CDC42BPB: variants seen among roughly 807,000 people sequenced by gnomAD.
CDC42BPB encodes CDC42 binding protein kinase beta.
In CDC42BPB, 37 loss-of-function variants were observed where a neutral mutation model predicts 214.9. The ratio of observed to expected loss-of-function variants is 0.17; its 90% CI spans 0.13 to 0.23. CDC42BPB has a LOEUF of 0.23. CDC42BPB is among the 10% of genes least tolerant of loss of function. The probability of loss-of-function intolerance (pLI) is 1.00; values close to 1 mark genes in which losing one functional copy is unlikely to be tolerated. For missense variants in CDC42BPB, 1,694 were observed against 2,227.0 expected, an observed-to-expected ratio of 0.76 and a Z score of 4.82; for synonymous variants, 931 against 884.0, an observed-to-expected ratio of 1.05 and a Z score of -0.94.
rs1555386427 is a variant in CDC42BPB at position 102,959,838 on chromosome 14, T to TTA, written c.2822-129_2822-128insTA. On this transcript the variant is annotated intron_variant, in intron 20 of 36. Transcript: ENST00000361246. The stretch of plus-strand genomic sequence containing the variant: ...CTGATACATCTGACATGATCACAAT[T>TTA]AAAAAAAAAAAAAAAAAAAAAAGGG... The TTA allele has an allele frequency of 6.0e-5, 43 of 718,874 alleles. No individual in the cohort carries two copies. In the African/African-American group the frequency reaches 8.2e-4, roughly 14 times the overall value. 44.5% of individuals were successfully genotyped at this position (718,874 alleles called of 1,614,324 possible). A position where few individuals can be genotyped will look rare whatever the true frequency, so the allele number is the denominator to read the frequency against.
At chr14:103,017,142 C>G (rs1886509583) in intron 1 of CDC42BPB, among the ~76,000 whole-genome samples, 1 of 152,168 alleles carries the variant, frequency 6.6e-6, no homozygotes, top group Non-Finnish European at 1.5e-5. Context: ...GGCAACATGA[C>G]AAGACTCTAT....
chr14:103,014,169 A>C (rs113767497), intron 1 of CDC42BPB, among the ~76,000 whole-genome samples: 708 of 2,902 alleles, frequency 0.24, 24 homozygotes, highest in Middle Eastern at 0.5. Flanking sequence ...CCGTCTCAAA[A>C]AAAAAAAAAA....
At chr14:102,954,528 G>C (rs549445063) in intron 22 of CDC42BPB, 74 bp downstream of exon 22, 3 of 1,457,710 alleles carry the variant, frequency 2.1e-6, no homozygotes, top group African/African-American at 2.8e-5. Context: ...CAGGGGCCAG[G>C]TGAGCAGCAT....
At chr14:103,044,251 AGAG>A (rs1888165884) in intron 1 of CDC42BPB, among the ~76,000 whole-genome samples, 2 of 152,138 alleles carry the variant, frequency 1.3e-5, no homozygotes, top group Non-Finnish European at 1.5e-5. Flanking sequence ...TTTTGGAGAC[AGAG>A]TCTCACTCTG....
At chr14:102,999,912 G>T in intron 4 of CDC42BPB, 199 bp from the exon 5 acceptor site, 2 of 985,392 alleles carry the variant, frequency 2.0e-6, no homozygotes, top group Non-Finnish European at 1.2e-6. Flanking sequence ...CTTCAGGGGT[G>T]CATATGGCAG....
intron 9 of CDC42BPB, among the ~76,000 whole-genome samples, chr14:102,976,899 A>C (rs1177899691): frequency 6.6e-6 from 1 of 152,214 alleles, no homozygotes; most frequent in Non-Finnish European, 1.5e-5. Flanking sequence ...AGAAAGATCA[A>C]GAACCTCTGC....
In CDC42BPB at chr14:102,981,032, T is replaced by C; in HGVS notation, c.892-11A>G. 6.2e-7 allele frequency: 1 copy of C among 1,613,870 alleles called. No homozygotes were observed. The highest frequency in any genetic ancestry group is 1.1e-5 in the South Asian group (1 of 91,056). Reference sequence around the variant, plus strand: ...GAACTGGAATCGCTCCTGCAAGGGGTGGCAAAAACACCGGTGGACAGGTGG... The same window carrying C: ...GAACTGGAATCGCTCCTGCAAGGGGCGGCAAAAACACCGGTGGACAGGTGG... On this transcript the variant is annotated splice_polypyrimidine_tract_variant and intron_variant, in intron 7 of 36. Transcript: ENST00000361246.
At chr14:103,049,606 G>C (rs1888494084) in intron 1 of CDC42BPB, among the ~76,000 whole-genome samples, 1 of 152,242 alleles carries the variant, frequency 6.6e-6, no homozygotes, top group African/African-American at 2.4e-5. Flanking sequence ...CAACCCAGTA[G>C]TACCGCTTAG....
chr14:103,018,969 G>T (rs554287437), intron 1 of CDC42BPB, among the ~76,000 whole-genome samples: 1 of 152,194 alleles, frequency 6.6e-6, no homozygotes, highest in South Asian at 2.1e-4. Context: ...TTTGAGACAG[G>T]GTTTTGCTCT....
In CDC42BPB at chr14:102,945,742, AC is replaced by A. The variant is rs751946793; in HGVS notation, c.3749-19del. The A allele has an allele frequency of 6.2e-7, 1 of 1,611,334 alleles. No homozygotes were observed. Among genetic ancestry groups the A allele is most frequent in the East Asian group, 2.2e-5 (1 of 44,864 alleles). On this transcript the variant is annotated intron_variant, in intron 28 of 36. Coordinates refer to ENST00000361246, the MANE Select transcript of CDC42BPB (RefSeq NM_006035.4). ...GTCTGCATCTGTGGAGGGGTAAGTAACATACACAAAGTCAGTACAGCCGACC... is the reference window on the plus strand; with the variant it reads ...GTCTGCATCTGTGGAGGGGTAAGTAAATACACAAAGTCAGTACAGCCGACC...
chr14:103,021,314 A>C (rs953085748), intron 1 of CDC42BPB, among the ~76,000 whole-genome samples: 1 of 152,116 alleles, frequency 6.6e-6, no homozygotes, highest in Non-Finnish European at 1.5e-5. Context: ...TTTTTTAAAA[A>C]AATTAGCCAG....
intron 1 of CDC42BPB, among the ~76,000 whole-genome samples, chr14:103,052,742 C>G (rs77758464): frequency 2.0e-5 from 3 of 152,208 alleles, no homozygotes; most frequent in Non-Finnish European, 4.4e-5. Flanking sequence ...ACACCAGCAT[C>G]AAGCCTGAGG....
chr14:102,936,634 G>T (rs1285384875), intron 36 of CDC42BPB, among the ~76,000 whole-genome samples: 1 of 152,176 alleles, frequency 6.6e-6, no homozygotes, highest in Non-Finnish European at 1.5e-5. Flanking sequence ...AGGGCAGGGG[G>T]TTTATTTTGA....
chr14:102,972,097 T>A lies in CDC42BPB; in HGVS notation c.1706A>T (p.Gln569Leu). The A allele has an allele frequency of 6.2e-7, 1 of 1,614,280 alleles. No homozygotes were observed. The highest frequency in any genetic ancestry group is 8.5e-7 in the Non-Finnish European group (1 of 1,180,058). Residue 569 changes from glutamine (Q) to leucine (L), a missense_variant, in exon 13 of 37, where the codon CAG (glutamine) becomes CTG (leucine). Transcript: ENST00000361246. ...QAKELKDAHQ[Q>L]RKLALQEFSE... ...GAACTCCTGCAGGGCCAGCTTTCGC[T>A]GCTGATGGGCATCTTTGAGTTCCTT...
intron 14 of CDC42BPB, among the ~76,000 whole-genome samples, chr14:102,969,903 G>A (rs1893396847): frequency 6.6e-6 from 1 of 152,228 alleles, no homozygotes; most frequent in Non-Finnish European, 1.5e-5. Context: ...TCGTTTCCTA[G>A]GACTTACTGT....
intron 19 of CDC42BPB, 55 bp from the exon 20 acceptor site, chr14:102,963,210 T>C: frequency 6.4e-7 from 1 of 1,564,392 alleles, no homozygotes; most frequent in South Asian, 1.1e-5. Flanking sequence ...GTCTGTGAGC[T>C]GGTATGGGGC....
chr14:103,056,532 T>C (rs1234432596), intron 1 of CDC42BPB, among the ~76,000 whole-genome samples: 2 of 149,374 alleles, frequency 1.3e-5, no homozygotes, highest in South Asian at 2.2e-4. Context: ...AGGGAACTAA[T>C]TCCACACTGC....
rs769978580 is a variant in CDC42BPB, at chr14:102,983,754, C to A, written c.693G>T (p.Val231=). 2 of 1,612,266 alleles carry A rather than the reference C, an allele frequency of 1.2e-6. No homozygotes were observed. Among genetic ancestry groups the A allele is most frequent in the South Asian group, 2.2e-5 (2 of 91,066 alleles). ...GTGTGCCCACGGCCACGGAGGACTGCACCTTAGGGGAGAAGGAGGTGCTGA... is the reference window on the plus strand; with the variant it reads ...GTGTGCCCACGGCCACGGAGGACTGAACCTTAGGGGAGAAGGAGGTGCTGA... ...SCLKMNDDGT[V]QSSVAVGTPD... The change falls in exon 7 of 37, where the codon GTG becomes GTT. Residue 231 remains valine (V), a splice_region_variant and synonymous_variant. Transcript: ENST00000361246.
intron 9 of CDC42BPB, chr14:102,976,364 TA>T: frequency 6.9e-6 from 2 of 290,634 alleles, no homozygotes; most frequent in Non-Finnish European, 1.0e-5. Flanking sequence ...AAGCAAGGCT[TA>T]GGGGGCAGCC....
Sources: allele counts gnomAD v4.1 joint callset (sites outside exome capture counted in the v4.1 genomes callset), GRCh38; gene constraint gnomAD v4.1.1; transcripts MANE v1.5; gene names NCBI Gene and HGNC (gene_info 2026-07-23, HGNC 2026-07-21).